Variants in NREP observed in about 807,000 individuals in gnomAD.
NREP encodes the protein neuronal regeneration-related protein.
NREP carries 5 observed loss-of-function variants against 8.6 expected under a neutral mutation model. The observed-to-expected ratio is 0.58, with a 90% CI of 0.30 to 1.22. The LOEUF is 1.22. NREP is among the 50% of genes most tolerant of loss of function. The probability of loss-of-function intolerance (pLI) is 0.07; values close to 1 mark genes in which losing one functional copy is unlikely to be tolerated. For synonymous variants in NREP, 27 were observed against 28.0 expected, an observed-to-expected ratio of 0.96 and a Z score of 0.11; for missense variants, 86 against 82.5, an observed-to-expected ratio of 1.04 and a Z score of -0.17.
At chr5:111,842,656 A>G (rs1581158823) in intron 2 of NREP, among the ~76,000 whole-genome samples, 1 of 152,200 alleles carries the variant, frequency 6.6e-6, no homozygotes, top group Non-Finnish European at 1.5e-5. Flanking sequence ...AAATTTGACT[A>G]TATTTTTACA....
At chr5:111,765,122 G>A (rs1215620711) in intron 2 of NREP, among the ~76,000 whole-genome samples, 1 of 152,122 alleles carries the variant, frequency 6.6e-6, no homozygotes, top group Non-Finnish European at 1.5e-5. Context: ...ATGGAAGGTT[G>A]GGGGTATGGT....
intron 2 of NREP, among the ~76,000 whole-genome samples, chr5:111,974,077 T>G (rs1424096305): frequency 1.3e-5 from 2 of 152,174 alleles, no homozygotes; most frequent in African/African-American, 2.4e-5. Flanking sequence ...TAAAAAATGC[T>G]CACTGCTGAG....
At chr5:111,890,617 C>T (rs1459848494) in intron 2 of NREP, among the ~76,000 whole-genome samples, 1 of 152,220 alleles carries the variant, frequency 6.6e-6, no homozygotes, top group Non-Finnish European at 1.5e-5. Flanking sequence ...GTTCCCAAGC[C>T]TCAATTGTTG....
chr5:111,947,900 C>T (rs1756036242), intron 2 of NREP, among the ~76,000 whole-genome samples: 1 of 151,938 alleles, frequency 6.6e-6, no homozygotes, highest in Non-Finnish European at 1.5e-5. Context: ...ACTGAGACTC[C>T]TAGACTTCTC....
At chr5:111,746,788 G>C (rs1226744098) in intron 2 of NREP, among the ~76,000 whole-genome samples, 1 of 152,158 alleles carries the variant, frequency 6.6e-6, no homozygotes, top group Non-Finnish European at 1.5e-5. Flanking sequence ...ACTCAGGAAA[G>C]GGGTGGGCTA....
rs751807481 is a variant in NREP, at chr5:111,954,127, CATCT to C, written c.135+21143_135+21146del. Among the ~76,000 whole-genome samples, 4 of 152,210 alleles carry C rather than the reference CATCT, an allele frequency of 2.6e-5. No individual in the cohort carries two copies. The East Asian group carries it at 5.8e-4, about 22-fold the overall frequency. On this transcript the variant is annotated intron_variant, in intron 2 of 3. Coordinates refer to the NREP transcript ENST00000395634. ...CATGATCTATCTATATCTATATCTA[CATCT>C]ATCTATGGCCAAGATGGAAAAATAT...
At chr5:111,910,037 A>G (rs1031240646) in intron 2 of NREP, among the ~76,000 whole-genome samples, 13 of 152,076 alleles carry the variant, frequency 8.5e-5, no homozygotes, top group African/African-American at 2.9e-4. Context: ...CCACGATATA[A>G]TTTACTGTTA....
intron 2 of NREP, chr5:111,739,851 T>G (rs932296919): frequency 6.6e-6 from 1 of 152,166 alleles, no homozygotes; most frequent in Non-Finnish European, 1.5e-5. Context: ...TCACAAAAAG[T>G]ATGTCTTCTT....
intron 2 of NREP, among the ~76,000 whole-genome samples, chr5:111,970,590 C>A (rs1756784649): frequency 6.6e-6 from 1 of 152,046 alleles, no homozygotes; most frequent in Non-Finnish European, 1.5e-5. Context: ...CTTTGGGAGG[C>A]TGAGGCGGGT....
In NREP at chr5:111,946,821, G is replaced by A. The variant is rs535773662; in HGVS notation, c.135+28453C>T. On this transcript the variant is annotated intron_variant, in intron 2 of 3. Coordinates refer to the NREP transcript ENST00000395634. ...GCTAGGAGAAGATCAGGTCTATAATGTTACTGTTACAAGAGCAGCCACATC... is the reference window on the plus strand; with the variant it reads ...GCTAGGAGAAGATCAGGTCTATAATATTACTGTTACAAGAGCAGCCACATC... Among the ~76,000 whole-genome samples the A allele has an allele frequency of 1.2e-4, 19 of 152,142 alleles. No individual in the cohort carries two copies. The South Asian group carries it at 3.7e-3, about 30-fold the overall frequency.
At position 111,809,890 on chromosome 5, in the gene NREP, T is replaced by C. The variant is rs984020934; in HGVS notation, c.136-74383A>G. On this transcript the variant is annotated intron_variant, in intron 2 of 3. Transcript: ENST00000395634. ...TTTGGCGTGTGTGTGTGTGTGTGTG[T>C]GTGTGTGTGTGTGTGTGTGTGTATT... 7.8e-4 allele frequency among the ~76,000 whole-genome samples: 117 copies of C among 149,830 alleles called. 2 individuals are homozygous for C. In the South Asian group the frequency reaches 0.024, roughly 31 times the overall value.
intron 2 of NREP, among the ~76,000 whole-genome samples, chr5:111,912,931 A>G (rs552903652): frequency 6.6e-6 from 1 of 152,254 alleles, no homozygotes; most frequent in Non-Finnish European, 1.5e-5. Context: ...TTCCTACACA[A>G]AGTGTTTAAG....
chr5:111,944,598 C>A (rs954270419), intron 2 of NREP, among the ~76,000 whole-genome samples: 4 of 152,150 alleles, frequency 2.6e-5, no homozygotes, highest in Non-Finnish European at 4.4e-5. Flanking sequence ...TGGGCCATGA[C>A]AACCAGCCTT....
At chr5:111,975,801 C>G (rs1756946045) in intron 1 of NREP, among the ~76,000 whole-genome samples, 2 of 152,144 alleles carry the variant, frequency 1.3e-5, no homozygotes, top group South Asian at 4.1e-4. Context: ...AGAATTGATT[C>G]ATTCCTGTTA....
At position 111,730,912 on chromosome 5, in the gene NREP, G is replaced by GTGTT. The variant is rs939230939; in HGVS notation, c.*5_*8dup. The GTGTT allele has an allele frequency of 1.2e-6, 2 of 1,613,666 alleles. No individual in the cohort carries two copies. Among genetic ancestry groups the GTGTT allele is most frequent in the African/African-American group, 1.3e-5 (1 of 74,914 alleles). ...TACACCATATGTAATACAAATGGAG[G>GTGTT]TGTTACGATTAAAAAAAGTGGAGGT... On this transcript the variant is annotated 3_prime_UTR_variant, in exon 4 of 4. Transcript: ENST00000257435.
intron 1 of NREP, chr5:111,756,295 T>TAA: frequency 8.5e-6 from 3 of 353,966 alleles, no homozygotes; most frequent in Non-Finnish European, 6.5e-6. Context: ...CCTTCCGTGT[T>TAA]TAAAAAAAAA....
chr5:111,878,714 G>A (rs1371238252), intron 2 of NREP, among the ~76,000 whole-genome samples: 1 of 152,128 alleles, frequency 6.6e-6, no homozygotes, highest in Non-Finnish European at 1.5e-5. Context: ...AATGGTAAGA[G>A]GTCGACAGTC....
chr5:111,767,254 C>T (rs76312933), intron 2 of NREP, among the ~76,000 whole-genome samples: 8,894 of 152,066 alleles, frequency 0.058, 381 homozygotes, highest in African/African-American at 0.12. Context: ...AGCACACTTT[C>T]AGTAATTTTC....
chr5:111,866,274 C>T (rs144547660), intron 2 of NREP, among the ~76,000 whole-genome samples: 1 of 151,832 alleles, frequency 6.6e-6, no homozygotes, highest in South Asian at 2.1e-4. Context: ...CTAATATCCA[C>T]AATCTACAAT....
Sources: allele counts gnomAD v4.1 joint callset (sites outside exome capture counted in the v4.1 genomes callset), GRCh38; gene constraint gnomAD v4.1.1; transcripts MANE v1.5; gene names NCBI Gene and HGNC (gene_info 2026-07-23, HGNC 2026-07-21).